CDC123: variants seen among roughly 807,000 people sequenced by gnomAD.
CDC123 encodes translation initiation factor eIF2 assembly protein.
A neutral mutation model predicts 54.4 loss-of-function variants in CDC123; 37 were observed. That is an observed-to-expected ratio of 0.68 (90% CI 0.52 to 0.89). The LOEUF (loss-of-function observed/expected upper bound fraction) is 0.89. Ranked by LOEUF, CDC123 falls within the 40% of genes least tolerant of loss-of-function variation. CDC123 has a pLI of 0.00. For missense variants in CDC123, 361 were observed against 412.1 expected (o/e 0.88, Z 1.07); for synonymous variants, 144 against 136.8 (o/e 1.05, Z -0.37).
chr10:12,229,053 C>A (rs1042747535), intron 6 of CDC123, among the ~76,000 whole-genome samples: 27 of 152,154 alleles, frequency 1.8e-4, no homozygotes, highest in African/African-American at 6.0e-4. Flanking sequence ...GTGATCTTGC[C>A]TCCGCCTCTA....
At chr10:12,242,988 A>G (rs571894191) in intron 10 of CDC123, among the ~76,000 whole-genome samples, 1 of 152,052 alleles carries the variant, frequency 6.6e-6, no homozygotes, top group South Asian at 2.1e-4. Flanking sequence ...CCTAGTTTAT[A>G]GAAGTTACAG....
chr10:12,237,217 A>G lies in CDC123; in HGVS notation c.639A>G (p.Ile213Met), dbSNP rs1486652350. ...SKQKEEIRRC[I>M]QDFFKKHIQY... is the part of the protein sequence containing the mutation. The stretch of plus-strand genomic sequence containing the variant: ...AAAAGGAAGAAATTCGCAGATGCAT[A>G]CAAGACTTTTTCAAGAAACACATAC... Residue 213 changes from isoleucine to methionine, a missense_variant, in exon 9 of 13, where the codon ATA becomes ATG. By Grantham distance (10) the Ile-to-Met change is conservative (BLOSUM62 1). Transcript: ENST00000281141. 6.3e-7 allele frequency: 1 copy of G among 1,591,042 alleles called. No homozygotes were observed.
chr10:12,212,029 A>G (rs1835609209), intron 4 of CDC123, among the ~76,000 whole-genome samples: 1 of 152,190 alleles, frequency 6.6e-6, no homozygotes, highest in Admixed American at 6.5e-5. Context: ...TGGAGGTTGC[A>G]GTGAACCAAG....
chr10:12,243,764 A>G (rs1034153634), intron 10 of CDC123, among the ~76,000 whole-genome samples: 2 of 151,610 alleles, frequency 1.3e-5, no homozygotes, highest in Non-Finnish European at 2.9e-5. Context: ...AGCCTGAGTG[A>G]CAGAGCGAGA....
chr10:12,230,925 T>G (rs773974500), intron 6 of CDC123, 23 bp from the exon 7 acceptor site: 7 of 1,609,382 alleles, frequency 4.3e-6, no homozygotes, highest in Middle Eastern at 1.7e-4. Context: ...AAGATTCAGT[T>G]GCCTTTTCTT....
At chr10:12,231,079 G>A in intron 7 of CDC123, 83 bp downstream of exon 7, 1 of 1,286,798 alleles carries the variant, frequency 7.8e-7, no homozygotes, top group East Asian at 2.3e-5. Flanking sequence ...TGAAATGAAT[G>A]AAGTTTCTTG....
At chr10:12,223,410 C>G (rs1017134868) in intron 6 of CDC123, among the ~76,000 whole-genome samples, 2 of 152,096 alleles carry the variant, frequency 1.3e-5, no homozygotes, top group African/African-American at 4.8e-5. Context: ...CTCAGCCTCC[C>G]AAGTAGCTGG....
intron 6 of CDC123, among the ~76,000 whole-genome samples, chr10:12,228,848 G>A (rs981369944): frequency 6.6e-6 from 1 of 152,218 alleles, no homozygotes; most frequent in Non-Finnish European, 1.5e-5. Context: ...GGGATTATAG[G>A]CGTGAGCCAC....
intron 6 of CDC123, among the ~76,000 whole-genome samples, chr10:12,230,423 C>A (rs543950365): frequency 6.6e-6 from 1 of 152,262 alleles, no homozygotes; most frequent in South Asian, 2.1e-4. Context: ...AAACTCCTGA[C>A]CTCAAGTGAT....
intron 11 of CDC123, chr10:12,247,496 CTG>C (rs1179185910): frequency 2.5e-5 from 1 of 40,394 alleles, no homozygotes; most frequent in Non-Finnish European, 6.7e-5. Flanking sequence ...CCTCAGGACA[CTG>C]TGTCCTCCTC....
chr10:12,237,501 C>T (rs933716948), intron 9 of CDC123: 18 of 221,340 alleles, frequency 8.1e-5, no homozygotes, highest in African/African-American at 1.4e-4. Flanking sequence ...GTGGTGCGAT[C>T]GCGGCTCGTG....
At chr10:12,201,584 A>G (rs1300043284) in intron 2 of CDC123, among the ~76,000 whole-genome samples, 1 of 152,160 alleles carries the variant, frequency 6.6e-6, no homozygotes, top group East Asian at 1.9e-4. Context: ...TCATGTAGCT[A>G]GAGTATGGGG....
At chr10:12,217,116 A>G (rs1835674023) in intron 5 of CDC123, among the ~76,000 whole-genome samples, 1 of 152,222 alleles carries the variant, frequency 6.6e-6, no homozygotes, top group Non-Finnish European at 1.5e-5. Flanking sequence ...ACTGGGAAGT[A>G]CTTAGGCCTG....
At chr10:12,245,227 A>G (rs1234247176) in intron 10 of CDC123, 4 of 150,166 alleles carry the variant, frequency 2.7e-5, no homozygotes, top group Non-Finnish European at 5.9e-5. Flanking sequence ...CCTTTGGGTG[A>G]CAGTTCCCTT....
chr10:12,238,671 T>C (rs1836011575), intron 10 of CDC123, among the ~76,000 whole-genome samples, 186 bp downstream of exon 10: 1 of 151,688 alleles, frequency 6.6e-6, no homozygotes, highest in Non-Finnish European at 1.5e-5. Context: ...AGCTCAGGAG[T>C]TCGAGACTAG....
intron 2 of CDC123, among the ~76,000 whole-genome samples, chr10:12,203,720 G>C (rs1428286683): frequency 6.6e-6 from 1 of 152,136 alleles, no homozygotes; most frequent in Non-Finnish European, 1.5e-5. Context: ...GCATCCTACC[G>C]TAGGAGTCTA....
intron 1 of CDC123, among the ~76,000 whole-genome samples, chr10:12,196,803 T>G (rs1835358112): frequency 6.6e-6 from 1 of 152,220 alleles, no homozygotes; most frequent in Admixed American, 6.5e-5. Flanking sequence ...GAGTGGATGT[T>G]AGTGTTCTCA....
rs182914811 is a variant in CDC123, at chr10:12,250,427, G to T, written c.*90G>T. The T allele has an allele frequency of 3.1e-6, 3 of 979,474 alleles. No homozygotes were observed. Among genetic ancestry groups the T allele is most frequent in the East Asian group, 4.8e-5 (2 of 41,900 alleles). The allele number at this position is 979,474 out of a possible 1,614,324, so 60.7% of individuals were successfully genotyped here. On this transcript the variant is annotated 3_prime_UTR_variant, in exon 13 of 13. Transcript: ENST00000281141. Reference sequence around the variant, plus strand: ...GCAACTTCCTGCCGACCCTGATGCGGGTGGGCCGAGCAGTGTGGACATCAG... The same window carrying T: ...GCAACTTCCTGCCGACCCTGATGCGTGTGGGCCGAGCAGTGTGGACATCAG...
chr10:12,202,087 T>A (rs1309438776), intron 2 of CDC123, among the ~76,000 whole-genome samples: 1 of 152,210 alleles, frequency 6.6e-6, no homozygotes, highest in Non-Finnish European at 1.5e-5. Context: ...TAGGTTAGGT[T>A]ACTTCTACAG....
Sources: allele counts gnomAD v4.1 joint callset (sites outside exome capture counted in the v4.1 genomes callset), GRCh38; gene constraint gnomAD v4.1.1; transcripts MANE v1.5; gene names NCBI Gene and HGNC (gene_info 2026-07-23, HGNC 2026-07-21).